SPON1: variants seen among roughly 807,000 people sequenced by gnomAD.
SPON1 encodes spondin-1.
Under a neutral mutation model 111.7 loss-of-function variants are expected in SPON1, and 52 were observed. The observed-to-expected ratio is 0.47, with a 90% confidence interval of 0.37 to 0.59. SPON1 has a LOEUF of 0.59. Among genes scored for constraint, SPON1 ranks in the 20% least tolerant of loss-of-function variants. SPON1 has a pLI of 0.00. For missense variants in SPON1, 957 were observed against 1,068.5 expected (o/e 0.90, Z 1.46); for synonymous variants, 410 against 395.8 (o/e 1.04, Z -0.43).
At chr11:14,101,628 T>C (rs1360793990) in intron 5 of SPON1, among the ~76,000 whole-genome samples, 1 of 152,100 alleles carries the variant, frequency 6.6e-6, no homozygotes, top group African/African-American at 2.4e-5. Context: ...GTTTTTTCCC[T>C]TCCTACCTCA....
intron 6 of SPON1, among the ~76,000 whole-genome samples, chr11:14,233,003 C>T (rs2133912980): frequency 6.6e-6 from 1 of 152,056 alleles, no homozygotes; most frequent in East Asian, 1.9e-4. Context: ...ATCTCTCTGG[C>T]CATTATACCT....
rs782094343 is a variant in SPON1, at chr11:14,243,375, C to A, written c.869C>A (p.Pro290Gln). 2 of 1,576,872 alleles carry A rather than the reference C, an allele frequency of 1.3e-6. No homozygotes were observed. The highest frequency in any genetic ancestry group is 3.7e-5 in the Admixed American group (2 of 54,244). ...LTVIKAKAQWPAWQPLNVRAA... is the reference protein window; with the variant it reads ...LTVIKAKAQWQAWQPLNVRAA... ...GTCATCAAAGCCAAAGCCCAATGGC[C>A]AGCCTGGCAGCCTCTCAACGTGTAA... Residue 290 changes from proline (P) to glutamine (Q), a missense_variant, in exon 7 of 16, where the codon CCA (proline) becomes CAA (glutamine). Transcript: ENST00000576479.
chr11:14,264,458 C>T (rs1468124691), intron 15 of SPON1, among the ~76,000 whole-genome samples: 4 of 152,106 alleles, frequency 2.6e-5, no homozygotes, highest in African/African-American at 9.7e-5. Context: ...CTGAAGGTGC[C>T]CATGTAAAAA....
At chr11:14,139,804 C>T (rs561936211) in intron 6 of SPON1, among the ~76,000 whole-genome samples, 13 of 151,722 alleles carry the variant, frequency 8.6e-5, no homozygotes, top group African/African-American at 2.2e-4. Context: ...TTAGATAAAC[C>T]GGTCAGGGAA....
At chr11:14,191,247 G>A (rs938859302) in intron 6 of SPON1, among the ~76,000 whole-genome samples, 2 of 152,234 alleles carry the variant, frequency 1.3e-5, no homozygotes, top group Non-Finnish European at 2.9e-5. Context: ...GGCCACGGCA[G>A]TGATGGAAGG....
chr11:14,050,806 C>T (rs540719234), intron 3 of SPON1, among the ~76,000 whole-genome samples: 3 of 152,276 alleles, frequency 2.0e-5, no homozygotes, highest in African/African-American at 7.2e-5. Flanking sequence ...CCGGGGAAGC[C>T]ACTATCCATT....
intron 5 of SPON1, among the ~76,000 whole-genome samples, chr11:14,120,913 A>G (rs1554926445): frequency 1.3e-5 from 2 of 152,188 alleles, no homozygotes; most frequent in African/African-American, 4.8e-5. Context: ...TTTGTTCAAG[A>G]TTGCACAGCA....
At chr11:13,968,053 A>G (rs998319131) in intron 1 of SPON1, among the ~76,000 whole-genome samples, 3 of 152,206 alleles carry the variant, frequency 2.0e-5, no homozygotes, top group Non-Finnish European at 4.4e-5. Context: ...AGAAGCTATA[A>G]TCACTGATAC....
chr11:13,967,879 T>A (rs1317706387), intron 1 of SPON1, among the ~76,000 whole-genome samples: 1 of 152,222 alleles, frequency 6.6e-6, no homozygotes, highest in African/African-American at 2.4e-5. Flanking sequence ...AGCTAATGCT[T>A]AATGGTTGTG....
intron 6 of SPON1, among the ~76,000 whole-genome samples, chr11:14,170,533 T>G (rs747310419): frequency 7.9e-5 from 12 of 152,140 alleles, no homozygotes; most frequent in Non-Finnish European, 1.6e-4. Context: ...CAACACTATG[T>G]TGAATAGGAG....
chr11:14,052,404 G>A (rs1448411098), intron 3 of SPON1, among the ~76,000 whole-genome samples: 1 of 152,184 alleles, frequency 6.6e-6, no homozygotes, highest in East Asian at 1.9e-4. Context: ...TGTGGCTGGG[G>A]CGAAGCTTAC....
intron 2 of SPON1, among the ~76,000 whole-genome samples, chr11:13,998,200 G>A (rs1554912059): frequency 6.6e-6 from 1 of 152,200 alleles, no homozygotes; most frequent in African/African-American, 2.4e-5. Flanking sequence ...AGTTAACACT[G>A]AGGGAATCAG....
rs1849087740 is a variant in SPON1, at chr11:14,254,712, A to C, written c.1075A>C (p.Ser359Arg). 1 of 1,613,906 alleles carries C rather than the reference A, an allele frequency of 6.2e-7. No individual in the cohort carries two copies. Among genetic ancestry groups the C allele is most frequent in the Non-Finnish European group, 8.5e-7 (1 of 1,179,892 alleles). The change falls in exon 8 of 16, where the codon AGC becomes CGC. Residue 359 changes from serine to arginine, a missense_variant. Ser to Arg is a moderately radical substitution (Grantham distance 110, BLOSUM62 -1). This residue lies in a region of SPON1 where 549 missense variants were observed against 606.2 expected (regional missense o/e 0.91). Coordinates refer to ENST00000576479, the MANE Select transcript of SPON1 (RefSeq NM_006108.4). ...DLIPWDAGTDSGVTYESPNKP... is the reference protein window; with the variant it reads ...DLIPWDAGTDRGVTYESPNKP... ...GATTCCCTGGGACGCTGGCACCGAC[A>C]GCGGGGTGACCTATGAGGTGTGTGT...
chr11:14,173,682 C>G (rs1848137075), intron 6 of SPON1, among the ~76,000 whole-genome samples: 2 of 152,108 alleles, frequency 1.3e-5, no homozygotes, highest in African/African-American at 4.8e-5. Context: ...GTGCAGATGT[C>G]CTTTCTGTTT....
chr11:14,093,275 G>A (rs1392182154), intron 5 of SPON1, among the ~76,000 whole-genome samples: 2 of 152,240 alleles, frequency 1.3e-5, no homozygotes, highest in African/African-American at 2.4e-5. Context: ...ACTAGGCAGT[G>A]TAACCACATG....
chr11:14,154,561 T>C (rs1240908445), intron 6 of SPON1, among the ~76,000 whole-genome samples: 1 of 152,230 alleles, frequency 6.6e-6, no homozygotes, highest in Non-Finnish European at 1.5e-5. Flanking sequence ...TTTTTCCCTC[T>C]TGGGACTCTG....
chr11:14,174,381 A>AGTAT (rs1848148880), intron 6 of SPON1, among the ~76,000 whole-genome samples: 1 of 152,192 alleles, frequency 6.6e-6, no homozygotes, highest in South Asian at 2.1e-4. Context: ...ACTGTTAGCC[A>AGTAT]TCCCTTAAAG....
intron 6 of SPON1, among the ~76,000 whole-genome samples, chr11:14,202,727 C>T (rs542820176): frequency 4.6e-5 from 7 of 152,280 alleles, no homozygotes; most frequent in African/African-American, 1.4e-4. Flanking sequence ...CTGTCTTTTA[C>T]CATGATTTTT....
chr11:14,265,833 G>A lies in SPON1; in HGVS notation c.*146G>A, dbSNP rs538786019. ...GCCCAGTAGTCTTGTGGATGCCAGA[G>A]ACATCCTTTCTGAATACTTCTTGAT... On this transcript the variant is annotated 3_prime_UTR_variant, in exon 16 of 16. Transcript: ENST00000576479. 48 of 932,322 alleles carry A rather than the reference G, an allele frequency of 5.1e-5. No individual in the cohort carries two copies. The highest frequency in any genetic ancestry group is 7.1e-5 in the Non-Finnish European group (45 of 632,356). The allele number at this position is 932,322 out of a possible 1,614,324, so 57.8% of individuals were successfully genotyped here.
Sources: gnomAD v4.1 joint callset for allele counts (sites outside exome capture counted in the v4.1 genomes callset) on GRCh38, gnomAD v4.1.1 for gene constraint, gnomAD v4.1.1 regional missense constraint, MANE v1.5 for transcripts, NCBI Gene and HGNC (gene_info 2026-07-23, HGNC 2026-07-21) for gene names.